The following ANTXR1 variants were observed in gnomAD, a reference collection of about 807,000 sequenced individuals.
ANTXR1 encodes anthrax toxin receptor 1.
In ANTXR1, 19 loss-of-function variants were observed where a neutral mutation model predicts 78.1. That is an observed-to-expected ratio of 0.24 (90% CI 0.17 to 0.36). The LOEUF is 0.36. Among genes scored for constraint, ANTXR1 ranks in the 10% least tolerant of loss-of-function variants. The pLI, the probability that ANTXR1 is intolerant of heterozygous loss-of-function variation, is 1.00. For synonymous variants in ANTXR1, 273 were observed against 260.5 expected (o/e 1.05, Z -0.46); for missense variants, 518 against 718.6 (o/e 0.72, Z 3.19).
Position 69,090,731 on chromosome 2 carries a change from G to A in ANTXR1, c.643-128G>A, listed in dbSNP as rs1316906435. On this transcript the variant is annotated intron_variant, in intron 8 of 17. Coordinates refer to ENST00000303714, the MANE Select transcript of ANTXR1 (RefSeq NM_032208.3). ...TACTAGTCAAGATGTTAGACTCCTC[G>A]CACCCCCACCGCAACCAAATGTCCT... The A allele has an allele frequency of 7.3e-6, 6 of 823,904 alleles. No homozygotes were observed. In the East Asian group the frequency reaches 1.3e-4, roughly 18 times the overall value. 51.0% of individuals were successfully genotyped at this position (823,904 alleles called of 1,614,324 possible). A position where few individuals can be genotyped will look rare whatever the true frequency, so the allele number is the denominator to read the frequency against.
chr2:69,084,185 C>G (rs1273601234), intron 8 of ANTXR1, among the ~76,000 whole-genome samples: 1 of 152,226 alleles, frequency 6.6e-6, no homozygotes, highest in African/African-American at 2.4e-5. Context: ...AGGCCACTCA[C>G]TTTTCCAGTC....
intron 17 of ANTXR1, among the ~76,000 whole-genome samples, chr2:69,205,818 A>C (rs570665636): frequency 6.6e-6 from 1 of 152,258 alleles, no homozygotes; most frequent in African/African-American, 2.4e-5. Flanking sequence ...GTCCAGATAA[A>C]ATGAGGCTGA....
intron 17 of ANTXR1, among the ~76,000 whole-genome samples, chr2:69,218,348 C>G (rs1373684397): frequency 6.6e-6 from 1 of 151,862 alleles, no homozygotes; most frequent in African/African-American, 2.4e-5. Context: ...GTTTTATTTT[C>G]AGTTCTGGAA....
intron 3 of ANTXR1, among the ~76,000 whole-genome samples, chr2:69,067,377 C>T (rs1008339407): frequency 6.7e-6 from 1 of 148,876 alleles, no homozygotes; most frequent in Non-Finnish European, 1.5e-5. Context: ...TATCCCAGTT[C>T]CCAGACTTTA....
At chr2:69,134,262 G>T (rs1325024804) in intron 12 of ANTXR1, among the ~76,000 whole-genome samples, 2 of 152,166 alleles carry the variant, frequency 1.3e-5, no homozygotes, top group African/African-American at 4.8e-5. Flanking sequence ...TAGAATTGGG[G>T]CTCTTTAGCC....
chr2:69,037,762 G>A lies in ANTXR1; in HGVS notation c.153-2282G>A, dbSNP rs544740377. Among the ~76,000 whole-genome samples the A allele has an allele frequency of 1.2e-3, 189 of 152,266 alleles. 1 individual carries two copies. The highest frequency in any genetic ancestry group is 5.2e-3 in the South Asian group (25 of 4,822). On this transcript the variant is annotated intron_variant, in intron 1 of 17. Coordinates refer to ENST00000303714, the MANE Select transcript of ANTXR1 (RefSeq NM_032208.3). ...TGGGATTACAGGCATGAGCCACTGC[G>A]TCCACTGACCTGAGTCTTGAATGAA...
intron 17 of ANTXR1, among the ~76,000 whole-genome samples, chr2:69,226,080 C>T (rs1048093866): frequency 1.3e-5 from 2 of 152,164 alleles, no homozygotes; most frequent in South Asian, 2.1e-4. Flanking sequence ...TCAGTCCCAG[C>T]CACATCTCTC....
rs537776390 is a variant in ANTXR1 at position 69,072,205 on chromosome 2, G to A, written c.412+418G>A. 2.6e-4 allele frequency among the ~76,000 whole-genome samples: 39 copies of A among 152,232 alleles called. No individual in the cohort carries two copies. The South Asian group carries it at 7.9e-3, about 31-fold the overall frequency. ...AACATTAAGATCAAAATACCAGTTT[G>A]ATTTAAACTTTCCTATATTTAAATG... On this transcript the variant is annotated intron_variant, in intron 5 of 17. Transcript: ENST00000303714.
intron 16 of ANTXR1, among the ~76,000 whole-genome samples, chr2:69,183,556 C>T (rs1286880430): frequency 6.6e-6 from 1 of 151,278 alleles, no homozygotes; most frequent in Non-Finnish European, 1.5e-5. Flanking sequence ...CACGCACCAC[C>T]ACACCCAGCT....
intron 1 of ANTXR1, among the ~76,000 whole-genome samples, chr2:69,020,617 A>C (rs975911415): frequency 3.9e-5 from 6 of 152,210 alleles, no homozygotes; most frequent in African/African-American, 1.4e-4. Context: ...CTTGGCTGTC[A>C]CATAAATGCA....
intron 17 of ANTXR1, among the ~76,000 whole-genome samples, chr2:69,216,804 T>G (rs1322729569): frequency 2.0e-5 from 3 of 152,206 alleles, no homozygotes; most frequent in Non-Finnish European, 4.4e-5. Context: ...CCCCATGAGT[T>G]TAATACTACC....
At chr2:69,124,694 T>A (rs1254099980) in intron 12 of ANTXR1, 51 bp downstream of exon 12, 1 of 1,591,228 alleles carries the variant, frequency 6.3e-7, no homozygotes, top group African/African-American at 1.3e-5. Flanking sequence ...ATTGTCACTA[T>A]CAACGTTTCT....
At chr2:69,222,351 T>C (rs1675339809) in intron 17 of ANTXR1, among the ~76,000 whole-genome samples, 1 of 152,132 alleles carries the variant, frequency 6.6e-6, no homozygotes, top group Non-Finnish European at 1.5e-5. Context: ...GTGAAAAACA[T>C]TGAGAGCTTA....
intron 17 of ANTXR1, among the ~76,000 whole-genome samples, chr2:69,232,651 A>G (rs1675650475): frequency 6.6e-6 from 1 of 152,202 alleles, no homozygotes; most frequent in East Asian, 1.9e-4. Context: ...TGGAAACATC[A>G]TAGCCTTAAA....
In ANTXR1 at chr2:69,182,660, GGT is replaced by G. The variant is rs756761715; in HGVS notation, c.1353+5_1353+6del. On this transcript the variant is annotated splice_donor_variant, in intron 16 of 17. Coordinates refer to ENST00000303714, the MANE Select transcript of ANTXR1 (RefSeq NM_032208.3). LOFTEE classifies it high-confidence loss of function. ...CCCGGAAGTGGTACTCTCCAATCAA[GGT>G]GTGTCTCTTTACTCAAAAAATCTAT... 10 of 1,613,926 alleles carry G rather than the reference GGT, an allele frequency of 6.2e-6. No homozygotes were observed. In the African/African-American group the frequency reaches 1.1e-4, roughly 17 times the overall value.
chr2:69,114,759 C>G (rs561071714), intron 10 of ANTXR1, among the ~76,000 whole-genome samples: 76 of 152,282 alleles, frequency 5.0e-4, no homozygotes, highest in African/African-American at 1.8e-3. Context: ...TCCATCTACC[C>G]CTAAGAAAAC....
intron 9 of ANTXR1, among the ~76,000 whole-genome samples, chr2:69,092,299 C>A (rs984507668): frequency 1.3e-5 from 2 of 152,134 alleles, no homozygotes; most frequent in African/African-American, 4.8e-5. Context: ...CAGTTTCTGG[C>A]CTATAGTTTA....
At chr2:69,182,357 T>A (rs1674296353) in intron 15 of ANTXR1, 136 bp from the exon 16 acceptor site, 2 of 1,052,544 alleles carry the variant, frequency 1.9e-6, no homozygotes, top group Non-Finnish European at 2.9e-6. Context: ...GTTTCCCTCT[T>A]CCCTGGCCCT....
intron 8 of ANTXR1, among the ~76,000 whole-genome samples, chr2:69,081,091 A>G (rs1670885990): frequency 6.6e-6 from 1 of 152,198 alleles, no homozygotes; most frequent in South Asian, 2.1e-4. Context: ...CGTTCTCTCT[A>G]TTAGCGCCTC....
Sources: allele counts gnomAD v4.1 joint callset (sites outside exome capture counted in the v4.1 genomes callset), GRCh38; gene constraint gnomAD v4.1.1; transcripts MANE v1.5; gene names NCBI Gene and HGNC (gene_info 2026-07-23, HGNC 2026-07-21).